The following EFHD1 variants were observed in gnomAD, a reference collection of about 807,000 sequenced individuals.
EFHD1 encodes the protein EF-hand domain-containing protein D1.
EFHD1 carries 10 observed loss-of-function variants against 17.2 expected under a neutral mutation model. The ratio of observed to expected loss-of-function variants is 0.58; its 90% confidence interval spans 0.36 to 0.99. The LOEUF is 0.99. Ranked by LOEUF, EFHD1 falls within the 50% of genes least tolerant of loss-of-function variation. EFHD1 has a pLI of 0.01. For missense variants in EFHD1, 310 were observed against 327.5 expected, an observed-to-expected ratio of 0.95 and a Z score of 0.41; for synonymous variants, 153 against 142.0, an observed-to-expected ratio of 1.08 and a Z score of -0.55.
chr2:232,613,548 A>G (rs567795470), intron 1 of EFHD1, among the ~76,000 whole-genome samples: 5 of 152,194 alleles, frequency 3.3e-5, no homozygotes, highest in African/African-American at 1.2e-4. Flanking sequence ...ATGAGTAGAT[A>G]AGCAAATTGT....
intron 1 of EFHD1, among the ~76,000 whole-genome samples, chr2:232,607,649 A>G (rs915553538): frequency 4.6e-5 from 7 of 151,860 alleles, no homozygotes; most frequent in Admixed American, 6.6e-5. Context: ...CCAACTAATC[A>G]GGAGACTGAG....
chr2:232,675,571 G>C (rs1031011610), intron 3 of EFHD1, among the ~76,000 whole-genome samples: 4 of 152,218 alleles, frequency 2.6e-5, no homozygotes, highest in African/African-American at 9.6e-5. Flanking sequence ...AGTCGATGGA[G>C]CTGTGACATG....
At chr2:232,667,525 T>TTTAATTAATTAA (rs763407536) in intron 2 of EFHD1, among the ~76,000 whole-genome samples, 1 of 150,830 alleles carries the variant, frequency 6.6e-6, no homozygotes, top group Non-Finnish European at 1.5e-5. Flanking sequence ...CTTATTTTAT[T>TTTAATTAATTAA]TTAATTAATT....
chr2:232,612,339 C>T (rs1466240181), intron 1 of EFHD1, among the ~76,000 whole-genome samples: 1 of 152,076 alleles, frequency 6.6e-6, no homozygotes, highest in Non-Finnish European at 1.5e-5. Context: ...AAAGACAAAC[C>T]ACAGACTGGG....
At chr2:232,642,059 T>C (rs1201430345) in intron 1 of EFHD1, among the ~76,000 whole-genome samples, 1 of 152,132 alleles carries the variant, frequency 6.6e-6, no homozygotes, top group Non-Finnish European at 1.5e-5. Flanking sequence ...AGGTGGTCCA[T>C]GGTGTGTTTG....
At chr2:232,659,325 G>T (rs1162233377) in intron 1 of EFHD1, among the ~76,000 whole-genome samples, 2 of 152,082 alleles carry the variant, frequency 1.3e-5, no homozygotes, top group Non-Finnish European at 2.9e-5. Flanking sequence ...AAAAATAGAA[G>T]CACCCACCAG....
At chr2:232,664,767 C>G (rs1208938085) in intron 2 of EFHD1, among the ~76,000 whole-genome samples, 1 of 151,606 alleles carries the variant, frequency 6.6e-6, no homozygotes, top group Non-Finnish European at 1.5e-5. Context: ...GCGCCTGCCA[C>G]CACGCCTGGC....
chr2:232,657,413 C>A (rs2106208124), intron 1 of EFHD1, among the ~76,000 whole-genome samples: 1 of 152,354 alleles, frequency 6.6e-6, no homozygotes, highest in South Asian at 2.1e-4. Context: ...GTTCACTTCC[C>A]TTTCATTGCT....
chr2:232,648,408 C>T (rs1001184646), intron 1 of EFHD1, among the ~76,000 whole-genome samples: 15 of 151,914 alleles, frequency 9.9e-5, no homozygotes, highest in African/African-American at 2.9e-4. Flanking sequence ...TTTCCCAGCC[C>T]GCAGCTGGTT....
At chr2:232,621,915 G>A (rs1273672503) in intron 1 of EFHD1, among the ~76,000 whole-genome samples, 1 of 152,188 alleles carries the variant, frequency 6.6e-6, no homozygotes, top group African/African-American at 2.4e-5. Context: ...TGTGTCTGAA[G>A]GGAAGAGCCA....
At chr2:232,663,141 G>A (rs888232140) in intron 2 of EFHD1, among the ~76,000 whole-genome samples, 192 bp downstream of exon 2, 1 of 152,118 alleles carries the variant, frequency 6.6e-6, no homozygotes, top group Non-Finnish European at 1.5e-5. Flanking sequence ...AAGCAGCATG[G>A]GTAGTAGTAT....
At position 232,681,663 on chromosome 2, in the gene EFHD1, G is replaced by A; in HGVS notation, c.664G>A (p.Glu222Lys). 6.2e-7 allele frequency: 1 copy of A among 1,614,230 alleles called. No homozygotes were observed. The highest frequency in any genetic ancestry group is 8.5e-7 in the Non-Finnish European group (1 of 1,180,030). ...AGATGAGCGGAAGCGGGAGGAGGAG[G>A]AGAGGCGGCTCCGCCAGGCAGCCTT... ...EQDERKREEE[E>K]RRLRQAAFQK... Residue 222 changes from glutamate (E) to lysine (K), a missense_variant, in exon 4 of 4, where the codon GAG becomes AAG. Transcript: ENST00000264059.
chr2:232,629,425 C>A (rs1694162307), upstream of EFHD1, among the ~76,000 whole-genome samples: 1 of 152,152 alleles, frequency 6.6e-6, no homozygotes, highest in South Asian at 2.1e-4. Context: ...TTTCTGATTA[C>A]AGTTTTATAC....
At chr2:232,634,165 CG>C (rs1490321657) in intron 1 of EFHD1, among the ~76,000 whole-genome samples, 159 bp downstream of exon 1, 1 of 152,146 alleles carries the variant, frequency 6.6e-6, no homozygotes, top group Non-Finnish European at 1.5e-5. Flanking sequence ...GGGTCTATCT[CG>C]GCGCGGTGGG....
Position 232,625,529 on chromosome 2 carries a change from C to T in EFHD1, c.14+19356C>T, listed in dbSNP as rs186983241. ...GCCGCTTAGGATGGGAGTCTACCCT[C>T]TGCTCTTTGCAATACTGTGTAGATA... On this transcript the variant is annotated intron_variant, in intron 1 of 3. Coordinates refer to the EFHD1 transcript ENST00000409613. 3.0e-3 allele frequency among the ~76,000 whole-genome samples: 454 copies of T among 152,262 alleles called. 5 individuals carry two copies. Among genetic ancestry groups the T allele is most frequent in the Non-Finnish European group, 4.8e-3 (326 of 68,020 alleles).
intron 2 of EFHD1, among the ~76,000 whole-genome samples, chr2:232,665,867 G>A (rs1045922830): frequency 6.6e-6 from 1 of 152,186 alleles, no homozygotes; most frequent in African/African-American, 2.4e-5. Flanking sequence ...AAATGTTGGA[G>A]TACTGGCACC....
chr2:232,664,992 A>C (rs529728349), intron 2 of EFHD1, among the ~76,000 whole-genome samples: 12 of 151,900 alleles, frequency 7.9e-5, no homozygotes, highest in East Asian at 7.8e-4. Flanking sequence ...CCTCACTGCA[A>C]CCCTTATCTC....
chr2:232,672,055 CAA>C (rs199541838), intron 2 of EFHD1, among the ~76,000 whole-genome samples: 15 of 108,838 alleles, frequency 1.4e-4, no homozygotes, highest in Admixed American at 1.0e-4. Context: ...GACTCTGCCT[CAA>C]AAAAAAAAAA....
At chr2:232,659,950 G>A (rs548458469) in intron 1 of EFHD1, among the ~76,000 whole-genome samples, 54 of 152,154 alleles carry the variant, frequency 3.5e-4, no homozygotes, top group Admixed American at 2.8e-3. Flanking sequence ...GAACAACCAG[G>A]TCTTGCAAGA....
Sources: gnomAD v4.1 joint callset for allele counts (sites outside exome capture counted in the v4.1 genomes callset) on GRCh38, gnomAD v4.1.1 for gene constraint, MANE v1.5 for transcripts, NCBI Gene and HGNC (gene_info 2026-07-23, HGNC 2026-07-21) for gene names.